Variants in USH2A observed in about 807,000 individuals in gnomAD.
USH2A encodes the protein usherin.
In USH2A, 443 loss-of-function variants were observed where a neutral mutation model predicts 538.9. That is an observed-to-expected ratio of 0.82 (90% CI 0.76 to 0.89). USH2A has a LOEUF of 0.89. USH2A is among the 40% of genes least tolerant of loss of function. The probability of loss-of-function intolerance (pLI) is 0.00; values close to 1 mark genes in which losing one functional copy is unlikely to be tolerated. For missense variants in USH2A, 6,633 were observed against 6,324.8 expected (o/e 1.05, Z -1.65); for synonymous variants, 2,413 against 2,273.5 (o/e 1.06, Z -1.75).
Position 216,111,458 on chromosome 1 carries a change from T to C in USH2A, c.4628-14245A>G, listed in dbSNP as rs964636460. On this transcript the variant is annotated intron_variant, in intron 21 of 71. Coordinates refer to ENST00000307340, the MANE Select transcript of USH2A (RefSeq NM_206933.4). ...GACAGACAACACATTCTTCAAATCC[T>C]GCTAGGAAACACATGAAATAAATGA... Among the ~76,000 whole-genome samples the C allele has an allele frequency of 6.6e-5, 10 of 152,098 alleles. 1 individual carries two copies. The highest frequency in any genetic ancestry group is 2.4e-4 in the African/African-American group (10 of 41,416).
intron 41 of USH2A, among the ~76,000 whole-genome samples, chr1:215,885,167 T>C (rs1416178810): frequency 6.6e-6 from 1 of 151,854 alleles, no homozygotes; most frequent in Non-Finnish European, 1.5e-5. Flanking sequence ...CTGATTTTAC[T>C]TTGACTTTTT....
At chr1:216,183,374 A>G (rs2034529911) in intron 20 of USH2A, among the ~76,000 whole-genome samples, 1 of 152,076 alleles carries the variant, frequency 6.6e-6, no homozygotes, top group Non-Finnish European at 1.5e-5. Flanking sequence ...AAGAAAAAAA[A>G]AAGCATTTAA....
At chr1:216,404,347 T>C (rs1433946276) in intron 3 of USH2A, among the ~76,000 whole-genome samples, 1 of 152,160 alleles carries the variant, frequency 6.6e-6, no homozygotes, top group African/African-American at 2.4e-5. Context: ...TATTATTTTT[T>C]GTAATTGAAA....
At chr1:216,052,902 G>C (rs1023016228) in intron 30 of USH2A, among the ~76,000 whole-genome samples, 1 of 152,176 alleles carries the variant, frequency 6.6e-6, no homozygotes, top group African/African-American at 2.4e-5. Flanking sequence ...TGAGATCATT[G>C]AGTGGTTATC....
At chr1:216,185,606 T>C (rs1030037026) in intron 20 of USH2A, among the ~76,000 whole-genome samples, 3 of 151,894 alleles carry the variant, frequency 2.0e-5, no homozygotes, top group Non-Finnish European at 2.9e-5. Context: ...CACAAATCCA[T>C]TGGAGTTCAT....
intron 44 of USH2A, among the ~76,000 whole-genome samples, chr1:215,847,667 A>T (rs956875919): frequency 1.3e-5 from 2 of 151,998 alleles, no homozygotes; most frequent in Non-Finnish European, 1.5e-5. Flanking sequence ...AAAAGAAAAA[A>T]AGTTAAACAG....
At chr1:215,717,346 C>T (rs762107389) in intron 61 of USH2A, among the ~76,000 whole-genome samples, 7 of 152,152 alleles carry the variant, frequency 4.6e-5, no homozygotes, top group Non-Finnish European at 1.0e-4. Context: ...GGTGATGTCA[C>T]ATTCATCTTT....
intron 55 of USH2A, among the ~76,000 whole-genome samples, chr1:215,777,183 T>A (rs1484357496): frequency 6.6e-6 from 1 of 152,174 alleles, no homozygotes; most frequent in African/African-American, 2.4e-5. Context: ...ATGCTAATAA[T>A]AGGATTTCTG....
At chr1:215,861,131 C>T (rs1664301722) in intron 44 of USH2A, among the ~76,000 whole-genome samples, 1 of 152,160 alleles carries the variant, frequency 6.6e-6, no homozygotes, top group Non-Finnish European at 1.5e-5. Context: ...CAGCATATCT[C>T]CTGTCTTGTC....
intron 3 of USH2A, among the ~76,000 whole-genome samples, chr1:216,373,713 G>T (rs1012644668): frequency 1.2e-4 from 18 of 152,034 alleles, no homozygotes; most frequent in Non-Finnish European, 2.4e-4. Flanking sequence ...ACCCCAAAAA[G>T]TCTTTTATAG....
At chr1:215,796,890 C>T (rs947420678) in intron 50 of USH2A, among the ~76,000 whole-genome samples, 2 of 151,920 alleles carry the variant, frequency 1.3e-5, no homozygotes, top group Non-Finnish European at 2.9e-5. Flanking sequence ...AGACCTTCTT[C>T]TCTTTTCTGT....
chr1:215,752,973 A>C (rs1258795264), intron 58 of USH2A, among the ~76,000 whole-genome samples: 2 of 152,222 alleles, frequency 1.3e-5, no homozygotes, highest in African/African-American at 4.8e-5. Context: ...AGAAAAAAAC[A>C]AACAGCCCCA....
intron 4 of USH2A, among the ~76,000 whole-genome samples, chr1:216,332,924 T>A (rs2037898114): frequency 6.6e-6 from 1 of 152,068 alleles, no homozygotes; most frequent in Non-Finnish European, 1.5e-5. Flanking sequence ...ACAAAGAATA[T>A]GGCATATGCA....
chr1:215,650,719 C>A lies in USH2A; in HGVS notation c.14216G>T (p.Arg4739Ile), dbSNP rs12085354. The change falls in exon 65 of 72, where the codon AGA (arginine) becomes ATA (isoleucine). Residue 4739 changes from arginine to isoleucine, a missense_variant. Arg to Ile is a moderately conservative substitution (Grantham distance 97, BLOSUM62 -3). Coordinates refer to ENST00000307340, the MANE Select transcript of USH2A (RefSeq NM_206933.4). ...RTGPAPPEGLRAPTFHVISST... is the reference protein window; with the variant it reads ...RTGPAPPEGLIAPTFHVISST... ...AGAGATCACATGGAACGTGGGGGCT[C>A]TGAGACCTTCTGGTGGGGCTGGCCC... is the stretch of plus-strand genomic sequence containing the variant. 6.2e-7 allele frequency: 1 copy of A among 1,613,848 alleles called. No individual in the cohort carries two copies. Among genetic ancestry groups the A allele is most frequent in the Non-Finnish European group, 8.5e-7 (1 of 1,179,994 alleles).
At chr1:216,255,086 T>C (rs915969015) in intron 11 of USH2A, among the ~76,000 whole-genome samples, 1 of 152,122 alleles carries the variant, frequency 6.6e-6, no homozygotes, top group African/African-American at 2.4e-5. Context: ...CAAACAAATA[T>C]CTATTCACAG....
At position 216,174,271 on chromosome 1, in the gene USH2A, A is replaced by T. The variant is rs41277220; in HGVS notation, c.4627+981T>A. The stretch of plus-strand genomic sequence containing the variant: ...AAAATGACTTTCTCATGGATGATTA[A>T]ATGAACATCTTTATGAGTTTACATA... On this transcript the variant is annotated intron_variant, in intron 21 of 71. Transcript: ENST00000307340. 2.4e-3 allele frequency: 2,379 copies of T among 982,654 alleles called. 3 individuals carry two copies. The highest frequency in any genetic ancestry group is 2.7e-3 in the Non-Finnish European group (2,263 of 827,396). The allele number at this position is 982,654 out of a possible 1,614,324, so 60.9% of individuals were successfully genotyped here. A position where few individuals can be genotyped will look rare whatever the true frequency, so the allele number is the denominator to read the frequency against.
chr1:216,256,464 G>A (rs2102559563), intron 11 of USH2A, among the ~76,000 whole-genome samples: 1 of 151,706 alleles, frequency 6.6e-6, no homozygotes, highest in South Asian at 2.1e-4. Context: ...CTAGCTTTAA[G>A]TGACAGACTA....
At chr1:215,726,450 A>T (rs553705781) in intron 61 of USH2A, among the ~76,000 whole-genome samples, 1 of 152,344 alleles carries the variant, frequency 6.6e-6, no homozygotes, top group African/African-American at 2.4e-5. Flanking sequence ...AAAATTAAAC[A>T]TGAGGACAGT....
chr1:216,417,417 A>C (rs1289969300), intron 3 of USH2A, among the ~76,000 whole-genome samples: 2 of 152,078 alleles, frequency 1.3e-5, no homozygotes, highest in African/African-American at 4.8e-5. Context: ...CAGCACCCCA[A>C]GTTACATGAT....
Sources: allele counts gnomAD v4.1 joint callset (sites outside exome capture counted in the v4.1 genomes callset), GRCh38; gene constraint gnomAD v4.1.1; transcripts MANE v1.5; gene names NCBI Gene and HGNC (gene_info 2026-07-23, HGNC 2026-07-21).